PRKG1: variants seen among roughly 807,000 people sequenced by gnomAD.
The protein encoded by PRKG1 is protein kinase cGMP-dependent 1.
In PRKG1, 35 loss-of-function variants were observed where a neutral mutation model predicts 88.1. That is an observed-to-expected ratio of 0.40 (90% confidence interval 0.30 to 0.53). The LOEUF (loss-of-function observed/expected upper bound fraction) is 0.53, where lower values mean the gene tolerates loss of function less well. Ranked by LOEUF, PRKG1 falls within the 20% of genes least tolerant of loss-of-function variation. The pLI is 0.59. For missense variants in PRKG1, 540 were observed against 839.8 expected, an observed-to-expected ratio of 0.64 and a Z score of 4.41; for synonymous variants, 303 against 292.5, an observed-to-expected ratio of 1.04 and a Z score of -0.37.
chr10:52,206,087 A>G (rs1333093222), intron 9 of PRKG1, among the ~76,000 whole-genome samples: 1 of 141,694 alleles, frequency 7.1e-6, no homozygotes, highest in African/African-American at 2.6e-5. Flanking sequence ...ACATTATCCC[A>G]TATTTGTTCA....
intron 2 of PRKG1, among the ~76,000 whole-genome samples, chr10:51,205,069 A>G (rs1327026720): frequency 7.0e-6 from 1 of 143,406 alleles, no homozygotes; most frequent in African/African-American, 2.6e-5. Flanking sequence ...TAGCTCAGAT[A>G]TTATCCCCTC....
intron 5 of PRKG1, among the ~76,000 whole-genome samples, chr10:52,006,786 A>G (rs940576965): frequency 6.6e-6 from 1 of 152,186 alleles, no homozygotes; most frequent in African/African-American, 2.4e-5. Flanking sequence ...ACCCTGTGAG[A>G]TATTACATAA....
intron 3 of PRKG1, among the ~76,000 whole-genome samples, chr10:51,721,503 G>T (rs1842012690): frequency 6.6e-6 from 1 of 152,096 alleles, no homozygotes; most frequent in African/African-American, 2.4e-5. Flanking sequence ...GAAATCTTTG[G>T]TAGAAAAGTG....
rs1554839824 is a variant in PRKG1 at position 51,138,688 on chromosome 10, T to TTG, written c.312-14475_312-14474insGT. On this transcript the variant is annotated intron_variant, in intron 1 of 17. Transcript: ENST00000373980. ...ACATTGAGTTTTGTTTTTTTTTTTTTTTTTTTTTTTTTTGAGACAGAGTCT... is the reference window on the plus strand; with the variant it reads ...ACATTGAGTTTTGTTTTTTTTTTTTTTGTTTTTTTTTTTTTGAGACAGAGTCT... 2.3e-5 allele frequency among the ~76,000 whole-genome samples: 3 copies of TTG among 131,308 alleles called. 1 individual carries two copies. Among genetic ancestry groups the TTG allele is most frequent in the Non-Finnish European group, 4.9e-5 (3 of 61,116 alleles). 86.1% of individuals were successfully genotyped at this position (131,308 alleles called of 152,430 possible).
chr10:51,643,554 A>G (rs1235652066), intron 3 of PRKG1, among the ~76,000 whole-genome samples: 6 of 152,218 alleles, frequency 3.9e-5, no homozygotes, highest in African/African-American at 9.6e-5. Context: ...AGTAATATTT[A>G]TATTTGGAAA....
intron 10 of PRKG1, among the ~76,000 whole-genome samples, chr10:52,264,290 G>A (rs1173643162): frequency 6.6e-6 from 1 of 152,004 alleles, no homozygotes; most frequent in Non-Finnish European, 1.5e-5. Context: ...TTTTATTATA[G>A]GCCTTTGGCT....
intron 3 of PRKG1, among the ~76,000 whole-genome samples, chr10:51,758,272 T>C (rs2132522043): frequency 6.6e-6 from 1 of 152,348 alleles, no homozygotes; most frequent in East Asian, 1.9e-4. Context: ...TCTAATTTGA[T>C]GTATAAATCT....
At chr10:51,735,734 T>A (rs1477234488) in intron 3 of PRKG1, among the ~76,000 whole-genome samples, 1 of 151,848 alleles carries the variant, frequency 6.6e-6, no homozygotes, top group Non-Finnish European at 1.5e-5. Context: ...TTATACTGCA[T>A]TATTTAGGAA....
chr10:51,016,408 A>C (rs1843060179), intron 1 of PRKG1, among the ~76,000 whole-genome samples: 3 of 152,116 alleles, frequency 2.0e-5, no homozygotes. Flanking sequence ...TTTTTGGCAG[A>C]AATGCAGTTC....
chr10:51,655,009 T>A (rs1185317160), intron 3 of PRKG1, among the ~76,000 whole-genome samples: 1 of 152,202 alleles, frequency 6.6e-6, no homozygotes, highest in African/African-American at 2.4e-5. Flanking sequence ...TTTCCTCCCA[T>A]CTTGGGTTAC....
intron 3 of PRKG1, among the ~76,000 whole-genome samples, chr10:51,658,110 C>G (rs752422234): frequency 2.6e-5 from 4 of 152,072 alleles, no homozygotes; most frequent in Non-Finnish European, 5.9e-5. Flanking sequence ...GCAGGAAATA[C>G]GGATTTATCT....
intron 2 of PRKG1, among the ~76,000 whole-genome samples, chr10:51,290,787 GTC>G (rs1337010537): frequency 6.6e-6 from 1 of 152,078 alleles, no homozygotes; most frequent in African/African-American, 2.4e-5. Context: ...TCTTTTTGGA[GTC>G]TCTCTGACTT....
chr10:52,127,523 G>T (rs1476540708), intron 7 of PRKG1, among the ~76,000 whole-genome samples: 1 of 152,110 alleles, frequency 6.6e-6, no homozygotes, highest in Non-Finnish European at 1.5e-5. Flanking sequence ...ATGGGCTAGG[G>T]ATGAAATGTC....
intron 6 of PRKG1, among the ~76,000 whole-genome samples, chr10:52,059,683 TTCTGTG>T (rs1181850118): frequency 2.0e-5 from 3 of 151,882 alleles, no homozygotes; most frequent in Non-Finnish European, 4.4e-5. Flanking sequence ...GATGAAATTG[TTCTGTG>T]TCTAATTGTT....
At chr10:51,359,353 C>G (rs2132583131) in intron 2 of PRKG1, among the ~76,000 whole-genome samples, 1 of 151,882 alleles carries the variant, frequency 6.6e-6, no homozygotes, top group South Asian at 2.1e-4. Flanking sequence ...ACTGCTTCCT[C>G]TGATGGATGG....
chr10:51,655,319 C>A (rs76788842), intron 3 of PRKG1, among the ~76,000 whole-genome samples: 5,442 of 152,050 alleles, frequency 0.036, 139 homozygotes, highest in South Asian at 0.1. Context: ...AGCAAATGAA[C>A]CTAACCAGGA....
intron 3 of PRKG1, among the ~76,000 whole-genome samples, chr10:51,576,502 G>A (rs987347138): frequency 6.6e-6 from 1 of 151,918 alleles, no homozygotes; most frequent in Admixed American, 6.6e-5. Flanking sequence ...GAGAGGTATA[G>A]ATAATTTCCC....
intron 5 of PRKG1, among the ~76,000 whole-genome samples, chr10:51,974,224 C>A (rs1301470324): frequency 6.6e-6 from 1 of 152,112 alleles, no homozygotes; most frequent in African/African-American, 2.4e-5. Context: ...CTGCAAGATT[C>A]TGGAACAGCA....
chr10:51,677,187 A>G (rs1840731567), intron 3 of PRKG1, among the ~76,000 whole-genome samples: 2 of 152,012 alleles, frequency 1.3e-5, no homozygotes, highest in South Asian at 4.1e-4. Context: ...TGATATACCA[A>G]TATTGTTGCA....
Sources: allele counts gnomAD v4.1 joint callset (sites outside exome capture counted in the v4.1 genomes callset), GRCh38; gene constraint gnomAD v4.1.1; transcripts MANE v1.5; gene names NCBI Gene and HGNC (gene_info 2026-07-23, HGNC 2026-07-21).